RTN4RL1: variants seen among roughly 807,000 people sequenced by gnomAD.
RTN4RL1 encodes the protein reticulon-4 receptor-like 1.
Under a neutral mutation model 25.6 loss-of-function variants are expected in RTN4RL1, and 7 were observed. That is an observed-to-expected ratio of 0.27 (90% CI 0.16 to 0.51). The LOEUF (loss-of-function observed/expected upper bound fraction) is 0.51, where lower values mean the gene tolerates loss of function less well. Among genes scored for constraint, RTN4RL1 ranks in the 20% least tolerant of loss-of-function variants. The probability of loss-of-function intolerance (pLI) is 0.97; values close to 1 mark genes in which losing one functional copy is unlikely to be tolerated. For missense variants in RTN4RL1, 500 were observed against 615.6 expected (o/e 0.81, Z 1.99); for synonymous variants, 297 against 288.2 (o/e 1.03, Z -0.31).
intron 1 of RTN4RL1, among the ~76,000 whole-genome samples, chr17:1,948,580 C>A (rs562907250): frequency 1.3e-5 from 2 of 152,258 alleles, no homozygotes; most frequent in East Asian, 3.9e-4. Flanking sequence ...GGCAGACAGG[C>A]GGACACAGGC....
intron 1 of RTN4RL1, among the ~76,000 whole-genome samples, chr17:1,963,334 G>A (rs142763484): frequency 9.8e-5 from 15 of 152,354 alleles, no homozygotes; most frequent in African/African-American, 3.4e-4. Flanking sequence ...TGGGAGTCCA[G>A]CTGAGCTCCC....
intron 1 of RTN4RL1, among the ~76,000 whole-genome samples, chr17:1,992,260 G>C (rs2066912483): frequency 6.6e-6 from 1 of 151,764 alleles, no homozygotes. Context: ...GCTACTTGGG[G>C]GGGCAGGAGA....
chr17:1,956,467 G>A lies in RTN4RL1; in HGVS notation c.14-18659C>T, dbSNP rs541373499. Among the ~76,000 whole-genome samples, 4 of 152,238 alleles carry A rather than the reference G, an allele frequency of 2.6e-5. No homozygotes were observed. In the East Asian group the frequency reaches 7.7e-4, roughly 29 times the overall value. On this transcript the variant is annotated intron_variant, in intron 1 of 1. Transcript: ENST00000331238. ...GGGGGGCGGGTTCCAGCCAGAAGCAGTAGTCTAGGCTGAGGGCCTGGGGCC... is the reference window on the plus strand; with the variant it reads ...GGGGGGCGGGTTCCAGCCAGAAGCAATAGTCTAGGCTGAGGGCCTGGGGCC...
Position 2,009,548 on chromosome 17 carries a change from C to T in RTN4RL1, c.13+15305G>A, listed in dbSNP as rs1300937902. 1.7e-5 allele frequency among the ~76,000 whole-genome samples: 2 copies of T among 118,298 alleles called. 1 individual carries two copies. Among genetic ancestry groups the T allele is most frequent in the Non-Finnish European group, 3.5e-5 (2 of 57,818 alleles). The allele number at this position is 118,298 out of a possible 152,430, so 77.6% of individuals were successfully genotyped here. ...TGGAGGTTGCAATGAGCCGAGATCA[C>T]GCCACTGCACTCCAGCCTGGGCGAC... On this transcript the variant is annotated intron_variant, in intron 1 of 1. Coordinates refer to ENST00000331238, the MANE Select transcript of RTN4RL1 (RefSeq NM_178568.4).
chr17:1,958,470 A>G (rs1355690252), intron 1 of RTN4RL1, among the ~76,000 whole-genome samples: 1 of 152,156 alleles, frequency 6.6e-6, no homozygotes, highest in African/African-American at 2.4e-5. Flanking sequence ...CTTCACACTC[A>G]TGAGGCCGGG....
At chr17:1,967,022 G>A (rs1000265502) in intron 1 of RTN4RL1, among the ~76,000 whole-genome samples, 3 of 152,100 alleles carry the variant, frequency 2.0e-5, no homozygotes, top group African/African-American at 7.2e-5. Flanking sequence ...TCCTGACCCC[G>A]AGGTCTCAAT....
intron 1 of RTN4RL1, among the ~76,000 whole-genome samples, chr17:1,960,807 T>G (rs1210603543): frequency 6.6e-6 from 1 of 152,266 alleles, no homozygotes; most frequent in South Asian, 2.1e-4. Flanking sequence ...TCATAGCACG[T>G]TGGCCTCGGA....
At chr17:2,022,715 C>G (rs1245123089) in intron 1 of RTN4RL1, among the ~76,000 whole-genome samples, 1 of 152,252 alleles carries the variant, frequency 6.6e-6, no homozygotes, top group Non-Finnish European at 1.5e-5. Context: ...GGGGCGGTCT[C>G]CAGGTCACCC....
At chr17:1,986,103 C>T (rs993466165) in intron 1 of RTN4RL1, among the ~76,000 whole-genome samples, 6 of 152,042 alleles carry the variant, frequency 3.9e-5, no homozygotes, top group Admixed American at 6.6e-5. Flanking sequence ...GGACTAGGCC[C>T]GTTGGTGGAA....
At position 1,937,582 on chromosome 17, in the gene RTN4RL1, G is replaced by A; in HGVS notation, c.240C>T (p.Thr80=). Residue 80 remains threonine (T), a synonymous_variant, in exon 2 of 2, where the codon ACC becomes ACT. Coordinates refer to ENST00000331238, the MANE Select transcript of RTN4RL1 (RefSeq NM_178568.4). ...QPGHFSPAMV[T]LWIYSNNITY... ...TGATGTTGTTCGAGTAGATCCACAGGGTGACCATGGCGGGGCTGAAGTGGC... is the reference window on the plus strand; with the variant it reads ...TGATGTTGTTCGAGTAGATCCACAGAGTGACCATGGCGGGGCTGAAGTGGC... 6.2e-7 allele frequency: 1 copy of A among 1,613,960 alleles called. No homozygotes were observed. Among genetic ancestry groups the A allele is most frequent in the Non-Finnish European group, 8.5e-7 (1 of 1,179,848 alleles).
intron 1 of RTN4RL1, among the ~76,000 whole-genome samples, chr17:2,002,277 C>CT (rs990298658): frequency 4.8e-5 from 7 of 147,340 alleles, no homozygotes; most frequent in South Asian, 2.2e-4. Context: ...CTCTCTTTCT[C>CT]TTTTTTTTAA....
intron 1 of RTN4RL1, among the ~76,000 whole-genome samples, chr17:1,968,715 T>A (rs2066804395): frequency 6.6e-6 from 1 of 151,986 alleles, no homozygotes; most frequent in African/African-American, 2.4e-5. Flanking sequence ...AGGTCACCCG[T>A]CCCCTCTCCC....
At chr17:2,004,169 C>A (rs1184050019) in intron 1 of RTN4RL1, among the ~76,000 whole-genome samples, 1 of 151,686 alleles carries the variant, frequency 6.6e-6, no homozygotes, top group Non-Finnish European at 1.5e-5. Context: ...CAGATCAAGA[C>A]CATCCTGGCT....
chr17:1,973,060 A>G (rs1410652196), intron 1 of RTN4RL1, among the ~76,000 whole-genome samples: 1 of 152,122 alleles, frequency 6.6e-6, no homozygotes, highest in Non-Finnish European at 1.5e-5. Flanking sequence ...TTTGTTTCCC[A>G]ATAACAACAA....
chr17:2,016,103 G>A (rs1368066420), intron 1 of RTN4RL1, among the ~76,000 whole-genome samples: 2 of 152,168 alleles, frequency 1.3e-5, no homozygotes, highest in African/African-American at 4.8e-5. Flanking sequence ...TTTGAAGGCC[G>A]GGCGCGGTGG....
intron 1 of RTN4RL1, among the ~76,000 whole-genome samples, chr17:1,966,518 T>C (rs2066792072): frequency 6.6e-6 from 1 of 152,176 alleles, no homozygotes; most frequent in Non-Finnish European, 1.5e-5. Context: ...CTAACTTCCC[T>C]GGACAGGAGT....
intron 1 of RTN4RL1, among the ~76,000 whole-genome samples, chr17:1,956,822 A>C (rs1390188409): frequency 6.6e-6 from 1 of 150,390 alleles, no homozygotes; most frequent in Non-Finnish European, 1.5e-5. Context: ...AGCTCACTAC[A>C]ACCTCTGCCT....
chr17:1,972,479 C>T (rs868200749), intron 1 of RTN4RL1, among the ~76,000 whole-genome samples: 1 of 152,084 alleles, frequency 6.6e-6, no homozygotes, highest in South Asian at 2.1e-4. Context: ...CGCTCTCAGG[C>T]CACCCCTCCT....
chr17:1,936,635 G>A lies in RTN4RL1; in HGVS notation c.1187C>T (p.Ala396Val). The A allele has an allele frequency of 6.3e-7, 1 of 1,595,296 alleles. No homozygotes were observed. Among genetic ancestry groups the A allele is most frequent in the Non-Finnish European group, 8.5e-7 (1 of 1,171,652 alleles). Residue 396 changes from alanine to valine, a missense_variant, in exon 2 of 2, where the codon GCC (alanine) becomes GTC (valine). By Grantham distance (64) the Ala-to-Val change is moderately conservative (BLOSUM62 0). Around this residue, in one of 2 missense-constraint regions of RTN4RL1, gnomAD observed 268 missense variants for 274.5 expected, o/e 0.98. Transcript: ENST00000331238. ...HKFSFDIMPT[A>V]RPKRKGKCAR... ...ACACTTGCCCTTCCTCTTGGGCCGG[G>A]CCGTAGGCATGATGTCAAAACTGAA...
Sources: gnomAD v4.1 joint callset for allele counts (sites outside exome capture counted in the v4.1 genomes callset) on GRCh38, gnomAD v4.1.1 for gene constraint, gnomAD v4.1.1 regional missense constraint, MANE v1.5 for transcripts, NCBI Gene and HGNC (gene_info 2026-07-23, HGNC 2026-07-21) for gene names.